The following DSCAM variants were observed in gnomAD, a reference collection of about 807,000 sequenced individuals.
DSCAM encodes the protein DS cell adhesion molecule, also known as cell adhesion molecule DSCAM.
A neutral mutation model predicts 217.7 loss-of-function variants in DSCAM; 47 were observed. The ratio of observed to expected loss-of-function variants is 0.22; its 90% CI spans 0.17 to 0.28. The LOEUF (loss-of-function observed/expected upper bound fraction) is 0.28. DSCAM is among the 10% of genes least tolerant of loss of function. The pLI is 1.00. For synonymous variants in DSCAM, 1,056 were observed against 1,015.3 expected, an observed-to-expected ratio of 1.04 and a Z score of -0.76; for missense variants, 2,080 against 2,618.3, an observed-to-expected ratio of 0.79 and a Z score of 4.49.
At chr21:40,351,459 G>A (rs568003827) in intron 5 of DSCAM, among the ~76,000 whole-genome samples, 1 of 152,326 alleles carries the variant, frequency 6.6e-6, no homozygotes, top group South Asian at 2.1e-4. Flanking sequence ...CTGACATTCA[G>A]GAAGGACGCC....
At chr21:40,678,545 T>C (rs2090365721) in intron 3 of DSCAM, among the ~76,000 whole-genome samples, 1 of 152,166 alleles carries the variant, frequency 6.6e-6, no homozygotes, top group Non-Finnish European at 1.5e-5. Context: ...GGTGATCTGA[T>C]TGGCTCAGCA....
chr21:40,724,158 TG>T (rs768860399), intron 1 of DSCAM, among the ~76,000 whole-genome samples: 19 of 152,334 alleles, frequency 1.2e-4, no homozygotes, highest in Non-Finnish European at 2.5e-4. Context: ...AATATGTATG[TG>T]GTTTACTACG....
intron 11 of DSCAM, among the ~76,000 whole-genome samples, chr21:40,260,649 C>T (rs548965993): frequency 2.3e-4 from 35 of 152,314 alleles, no homozygotes; most frequent in African/African-American, 7.5e-4. Flanking sequence ...CCAAGCCTTG[C>T]CTGTCCATCA....
chr21:40,541,202 T>C (rs1196883563), intron 3 of DSCAM, among the ~76,000 whole-genome samples: 1 of 152,146 alleles, frequency 6.6e-6, no homozygotes, highest in Admixed American at 6.6e-5. Context: ...CATAAAAATT[T>C]TCAATAAAAA....
At chr21:40,246,053 C>A (rs1346263262) in intron 11 of DSCAM, among the ~76,000 whole-genome samples, 2 of 152,052 alleles carry the variant, frequency 1.3e-5, no homozygotes, top group Admixed American at 1.3e-4. Flanking sequence ...CTCCTCTGCT[C>A]AGCTCATGGG....
intron 3 of DSCAM, among the ~76,000 whole-genome samples, chr21:40,573,410 AAAC>A (rs1183826880): frequency 3.9e-5 from 6 of 152,198 alleles, no homozygotes; most frequent in African/African-American, 1.4e-4. Context: ...TTTGAAAATT[AAAC>A]AACATGTTTC....
intron 1 of DSCAM, among the ~76,000 whole-genome samples, chr21:40,755,271 C>T (rs2091264272): frequency 6.6e-6 from 1 of 152,002 alleles, no homozygotes; most frequent in Admixed American, 6.6e-5. Context: ...CATGGTGAAA[C>T]ACTGTCTCTA....
chr21:40,223,534 A>T (rs940730371), intron 11 of DSCAM, among the ~76,000 whole-genome samples: 1 of 115,628 alleles, frequency 8.6e-6, no homozygotes, highest in African/African-American at 4.4e-5. Context: ...CTTTAACGAA[A>T]ATCTAAGTTA....
chr21:40,663,416 C>G (rs1165910075), intron 3 of DSCAM, among the ~76,000 whole-genome samples: 1 of 152,036 alleles, frequency 6.6e-6, no homozygotes, highest in African/African-American at 2.4e-5. Flanking sequence ...CGTGGAATTG[C>G]CTGTGTTGCC....
chr21:40,745,916 A>G (rs2091169405), intron 1 of DSCAM, among the ~76,000 whole-genome samples: 2 of 152,200 alleles, frequency 1.3e-5, no homozygotes, highest in South Asian at 4.1e-4. Flanking sequence ...CGTGTGTGGG[A>G]TGGTGTTAAA....
chr21:40,174,955 G>A (rs1395932266), intron 15 of DSCAM, among the ~76,000 whole-genome samples: 1 of 152,108 alleles, frequency 6.6e-6, no homozygotes, highest in African/African-American at 2.4e-5. Flanking sequence ...TCTGATGGGG[G>A]CTGTATTCTT....
intron 3 of DSCAM, among the ~76,000 whole-genome samples, chr21:40,533,458 C>T (rs956283626): frequency 4.6e-5 from 7 of 152,024 alleles, no homozygotes; most frequent in African/African-American, 7.2e-5. Flanking sequence ...ATCCATCCAC[C>T]CATCGTCCAT....
chr21:40,427,415 C>T (rs894784631), intron 3 of DSCAM, among the ~76,000 whole-genome samples: 2 of 152,192 alleles, frequency 1.3e-5, no homozygotes, highest in African/African-American at 4.8e-5. Context: ...TTAATGGGAG[C>T]TTTGTTACCA....
intron 30 of DSCAM, among the ~76,000 whole-genome samples, chr21:40,049,615 C>G (rs2088896238): frequency 6.6e-6 from 1 of 152,186 alleles, no homozygotes; most frequent in Non-Finnish European, 1.5e-5. Context: ...TGGTGTATCT[C>G]CATCATACAG....
chr21:40,442,903 T>C (rs529518280), intron 3 of DSCAM, among the ~76,000 whole-genome samples: 1 of 152,304 alleles, frequency 6.6e-6, no homozygotes, highest in East Asian at 1.9e-4. Context: ...ACCTTGTCTC[T>C]CTTCCCCGGT....
chr21:40,179,887 G>A (rs976023653), intron 14 of DSCAM, among the ~76,000 whole-genome samples: 1 of 152,208 alleles, frequency 6.6e-6, no homozygotes, highest in Non-Finnish European at 1.5e-5. Context: ...GTTGACTGTA[G>A]GTGTGTGGTC....
At chr21:40,440,910 T>C (rs972018522) in intron 3 of DSCAM, among the ~76,000 whole-genome samples, 1 of 152,208 alleles carries the variant, frequency 6.6e-6, no homozygotes, top group Admixed American at 6.5e-5. Context: ...TTATCATCAA[T>C]GTTATTAGAA....
intron 30 of DSCAM, among the ~76,000 whole-genome samples, chr21:40,050,405 G>A (rs2088910402): frequency 6.6e-6 from 1 of 152,104 alleles, no homozygotes; most frequent in African/African-American, 2.4e-5. Flanking sequence ...CATTGGAGCA[G>A]TGTCTTGGAG....
chr21:40,417,539 T>C (rs1363815310), intron 3 of DSCAM, among the ~76,000 whole-genome samples: 1 of 131,314 alleles, frequency 7.6e-6, no homozygotes. Context: ...TAATATTGCA[T>C]TTGATATTTG....
Sources: allele counts gnomAD v4.1 joint callset (sites outside exome capture counted in the v4.1 genomes callset), GRCh38; gene constraint gnomAD v4.1.1; transcripts MANE v1.5; gene names NCBI Gene and HGNC (gene_info 2026-07-23, HGNC 2026-07-21).